Variants in SREBF2 observed in about 807,000 individuals in gnomAD.
SREBF2 encodes the protein sterol regulatory element binding transcription factor 2, also known as sterol regulatory element-binding protein 2.
Under a neutral mutation model 113.1 loss-of-function variants are expected in SREBF2, and 55 were observed. That is an observed-to-expected ratio of 0.49 (90% CI 0.39 to 0.61). The LOEUF is 0.61. Ranked by LOEUF, SREBF2 falls within the 20% of genes least tolerant of loss-of-function variation. The pLI, the probability that SREBF2 is intolerant of heterozygous loss-of-function variation, is 0.00. For missense variants in SREBF2, 1,349 were observed against 1,487.4 expected, an observed-to-expected ratio of 0.91 and a Z score of 1.53; for synonymous variants, 593 against 605.7, an observed-to-expected ratio of 0.98 and a Z score of 0.31.
intron 11 of SREBF2, among the ~76,000 whole-genome samples, chr22:41,888,256 CTTTATT>C (rs1569404067): frequency 6.6e-6 from 1 of 152,136 alleles, no homozygotes; most frequent in Non-Finnish European, 1.5e-5. Flanking sequence ...CTGCTAGACG[CTTTATT>C]TTTTACTCTT....
At chr22:41,903,265 AG>A in intron 17 of SREBF2, 110 bp downstream of exon 17, 2 of 1,357,298 alleles carry the variant, frequency 1.5e-6, no homozygotes, top group Non-Finnish European at 2.0e-6. Context: ...CTCTGAGGTC[AG>A]CCTGGTGACC....
intron 10 of SREBF2, among the ~76,000 whole-genome samples, chr22:41,881,843 A>T (rs1239347507): frequency 6.6e-6 from 1 of 152,174 alleles, no homozygotes; most frequent in Non-Finnish European, 1.5e-5. Context: ...AGACTGAGGC[A>T]GGAGGATCAC....
At chr22:41,885,335 T>C (rs1291841536) in intron 11 of SREBF2, among the ~76,000 whole-genome samples, 1 of 152,212 alleles carries the variant, frequency 6.6e-6, no homozygotes, top group Non-Finnish European at 1.5e-5. Context: ...ACTTTTCTGT[T>C]CTTCAAGTGG....
At chr22:41,904,488 C>T (rs1249791418) in intron 17 of SREBF2, 1 of 478,836 alleles carries the variant, frequency 2.1e-6, no homozygotes, top group African/African-American at 2.0e-5. Context: ...AACTGTCCCT[C>T]CTCACCCCTC....
intron 1 of SREBF2, among the ~76,000 whole-genome samples, chr22:41,847,207 G>C (rs1034150869): frequency 6.6e-6 from 1 of 152,146 alleles, no homozygotes; most frequent in Admixed American, 6.5e-5. Flanking sequence ...GAGATCTCTT[G>C]CTTTGTAGAC....
chr22:41,864,952 C>CA (rs761502044), intron 1 of SREBF2, among the ~76,000 whole-genome samples: 33 of 150,912 alleles, frequency 2.2e-4, no homozygotes, highest in Non-Finnish European at 3.4e-4. Context: ...TACCCTATCT[C>CA]AAAAAAAAGA....
chr22:41,879,213 G>A (rs751032649), intron 9 of SREBF2, among the ~76,000 whole-genome samples: 2 of 152,158 alleles, frequency 1.3e-5, no homozygotes, highest in Non-Finnish European at 2.9e-5. Flanking sequence ...GCAAGGACCT[G>A]GAATTAAAAG....
chr22:41,880,698 C>T lies in SREBF2; in HGVS notation c.1762-18C>T, dbSNP rs1270002599. ...GGAGCAAGGCCAGTGACCATTAACACCTTTTGATACTTTGTAGGGAGATTT... is the reference window on the plus strand; with the variant it reads ...GGAGCAAGGCCAGTGACCATTAACATCTTTTGATACTTTGTAGGGAGATTT... On this transcript the variant is annotated intron_variant, in intron 9 of 18. Transcript: ENST00000361204. 1 of 1,614,062 alleles carries T rather than the reference C, an allele frequency of 6.2e-7. No homozygotes were observed. The highest frequency in any genetic ancestry group is 2.2e-5 in the East Asian group (1 of 44,896).
At chr22:41,886,565 ACACCCACC>A (rs944119560) in intron 11 of SREBF2, among the ~76,000 whole-genome samples, 1 of 152,132 alleles carries the variant, frequency 6.6e-6, no homozygotes, top group African/African-American at 2.4e-5. Context: ...TACCCATGCA[ACACCCACC>A]CACATCAAGA....
Position 41,845,638 on chromosome 22 carries a change from AG to A in SREBF2, c.88+12282del, listed in dbSNP as rs1602270902. ...CAGAGGAACAACTCTAAATCTTTGG[AG>A]GACTGAGGAAGGGAATTAGAAAAAT... On this transcript the variant is annotated intron_variant, in intron 1 of 18. Transcript: ENST00000361204. 2.0e-5 allele frequency among the ~76,000 whole-genome samples: 3 copies of A among 152,344 alleles called. No individual in the cohort carries two copies. The East Asian group carries it at 5.8e-4, about 29-fold the overall frequency.
rs1311035107 is a variant in SREBF2 at position 41,904,886 on chromosome 22, G to C, written c.3117G>C (p.Val1039=). 6.2e-7 allele frequency: 1 copy of C among 1,602,130 alleles called. No individual in the cohort carries two copies. Among genetic ancestry groups the C allele is most frequent in the East Asian group, 2.2e-5 (1 of 44,500 alleles). Residue 1039 remains valine (V), a synonymous_variant, in exon 18 of 19, where the codon GTG becomes GTC. Transcript: ENST00000361204. Reference sequence around the variant, plus strand: ...AGGTGTTCCTGCATGAAGCCACCGTGCGCCTGATGGCAGGAGCCAGCCCCA... The same window carrying C: ...AGGTGTTCCTGCATGAAGCCACCGTCCGCCTGATGGCAGGAGCCAGCCCCA... ...YRKVFLHEAT[V]RLMAGASPTR...
chr22:41,884,334 A>G (rs1302098353), intron 10 of SREBF2, among the ~76,000 whole-genome samples: 1 of 152,092 alleles, frequency 6.6e-6, no homozygotes, highest in African/African-American at 2.4e-5. Context: ...ATGGGGTTTC[A>G]CTGTGTTTGC....
rs1470428245 is a variant in SREBF2, at chr22:41,900,461, A to G, written c.2870A>G (p.Asn957Ser). 3.1e-6 allele frequency: 5 copies of G among 1,613,724 alleles called. No individual in the cohort carries two copies. Among genetic ancestry groups the G allele is most frequent in the East Asian group, 2.2e-5 (1 of 44,886 alleles). The stretch of plus-strand genomic sequence containing the variant: ...AGTGGCCACCTATGGAGCAGCCTCA[A>G]CGTCAGTGGGGCCACCTCTGACCCT... ...RASGHLWSSL[N>S]VSGATSDPAL... Residue 957 changes from asparagine to serine, a missense_variant, in exon 16 of 19, where the codon AAC (asparagine) becomes AGC (serine). Transcript: ENST00000361204.
intron 1 of SREBF2, among the ~76,000 whole-genome samples, chr22:41,855,802 G>C (rs574791156): frequency 6.6e-6 from 1 of 151,274 alleles, no homozygotes; most frequent in Admixed American, 6.6e-5. Context: ...GTTGTTCCAG[G>C]CTTGAGTACA....
intron 1 of SREBF2, among the ~76,000 whole-genome samples, chr22:41,858,969 C>G (rs1432730064): frequency 6.6e-6 from 1 of 151,754 alleles, no homozygotes; most frequent in Non-Finnish European, 1.5e-5. Context: ...TGGTGAAACC[C>G]CGTCTCTACT....
chr22:41,898,857 C>T, intron 15 of SREBF2, 76 bp downstream of exon 15: 1 of 1,581,578 alleles, frequency 6.3e-7, no homozygotes, highest in Non-Finnish European at 8.6e-7. Context: ...GCAAACTGGA[C>T]TGGGTGGGCG....
At position 41,905,776 on chromosome 22, in the gene SREBF2, G is replaced by A. The variant is rs1057123575; in HGVS notation, c.*116G>A. ...TGTCTTCTTAGCTGTCACCTGCCGA[G>A]GCTTCTGGGCCACTCAGGCCAGTGC... is the stretch of plus-strand genomic sequence containing the variant. On this transcript the variant is annotated 3_prime_UTR_variant, in exon 19 of 19. Transcript: ENST00000361204. 1 of 1,202,046 alleles carries A rather than the reference G, an allele frequency of 8.3e-7. No individual in the cohort carries two copies. Among genetic ancestry groups the A allele is most frequent in the East Asian group, 2.5e-5 (1 of 39,226 alleles). 74.5% of individuals were successfully genotyped at this position (1,202,046 alleles called of 1,614,324 possible).
chr22:41,843,821 A>G (rs973751810), intron 1 of SREBF2, among the ~76,000 whole-genome samples: 2 of 151,874 alleles, frequency 1.3e-5, no homozygotes, highest in African/African-American at 4.8e-5. Flanking sequence ...ATACCTGGAC[A>G]ACATAGTGAG....
intron 7 of SREBF2, among the ~76,000 whole-genome samples, chr22:41,876,456 T>C (rs1447728119): frequency 1.3e-5 from 2 of 152,238 alleles, no homozygotes; most frequent in East Asian, 1.9e-4. Context: ...GTTTGACATA[T>C]AAATTGAATT....
Sources: allele counts gnomAD v4.1 joint callset (sites outside exome capture counted in the v4.1 genomes callset), GRCh38; gene constraint gnomAD v4.1.1; transcripts MANE v1.5; gene names NCBI Gene and HGNC (gene_info 2026-07-23, HGNC 2026-07-21).